TVP23C: variants seen among roughly 807,000 people sequenced by gnomAD.
TVP23C encodes Golgi apparatus membrane protein TVP23 homolog C.
TVP23C carries 19 observed loss-of-function variants against 28.7 expected under a neutral mutation model. That is an observed-to-expected ratio of 0.66 (90% CI 0.46 to 0.97). TVP23C has a LOEUF of 0.97. Among genes scored for constraint, TVP23C ranks in the 50% least tolerant of loss-of-function variants. The probability of loss-of-function intolerance (pLI) is 0.00; values close to 1 mark genes in which losing one functional copy is unlikely to be tolerated. For synonymous variants in TVP23C, 68 were observed against 81.7 expected (o/e 0.83, Z 0.90); for missense variants, 186 against 241.3 (o/e 0.77, Z 1.52).
chr17:15,540,532 T>G lies in TVP23C; in HGVS notation c.492A>C (p.Gln164His). Residue 164 changes from glutamine (Q) to histidine (H), a missense_variant, in exon 6 of 6, where the codon CAA (glutamine) becomes CAC (histidine). By Grantham distance (24) the Gln-to-His change is conservative (BLOSUM62 0). Coordinates refer to ENST00000518321, the MANE Select transcript of TVP23C (RefSeq NM_001135036.2). ...TGATGTAACCATACAGGTTGGCACC[T>G]TGTAGCACCACACCCATAATAACCA... is the stretch of plus-strand genomic sequence containing the variant. ...LAVVIMGVVL[Q>H]GANLYGYIRC... 1.2e-6 allele frequency: 2 copies of G among 1,613,600 alleles called. No homozygotes were observed. The highest frequency in any genetic ancestry group is 1.7e-6 in the Non-Finnish European group (2 of 1,179,740).
intron 5 of TVP23C, among the ~76,000 whole-genome samples, chr17:15,530,347 T>C (rs1394280816): frequency 1.3e-5 from 2 of 152,212 alleles, no homozygotes; most frequent in African/African-American, 2.4e-5. Context: ...GGACTATGAT[T>C]AATATCTTAA....
intron 5 of TVP23C, among the ~76,000 whole-genome samples, chr17:15,529,713 T>G (rs1042461639): frequency 6.6e-6 from 1 of 152,222 alleles, no homozygotes; most frequent in African/African-American, 2.4e-5. Context: ...GTTTCTATAC[T>G]TTCACTTTCT....
chr17:15,549,175 C>A (rs1430420457), intron 3 of TVP23C, among the ~76,000 whole-genome samples: 1 of 152,034 alleles, frequency 6.6e-6, no homozygotes, highest in East Asian at 1.9e-4. Context: ...GATTAGGAAT[C>A]CCTGTATGAA....
intron 3 of TVP23C, 149 bp downstream of exon 3, chr17:15,553,536 A>AC: frequency 3.7e-6 from 4 of 1,082,226 alleles, no homozygotes; most frequent in Non-Finnish European, 4.9e-6. Flanking sequence ...AAAAAAAAAA[A>AC]AAACTACATG....
In TVP23C at chr17:15,557,442, G is replaced by A. The variant is rs1984184970; in HGVS notation, c.13-2078C>T. On this transcript the variant is annotated intron_variant, in intron 1 of 5. Transcript: ENST00000518321. Reference sequence around the variant, plus strand: ...TGAGTAACTGGGATTACAGGAGTGTGTCTCGGCTAATTAGCCTGGCTAATT... The same window carrying A: ...TGAGTAACTGGGATTACAGGAGTGTATCTCGGCTAATTAGCCTGGCTAATT... Among the ~76,000 whole-genome samples the A allele has an allele frequency of 1.4e-5, 2 of 147,790 alleles. 1 individual carries two copies. The highest frequency in any genetic ancestry group is 4.9e-5 in the African/African-American group (2 of 41,000).
intron 5 of TVP23C, among the ~76,000 whole-genome samples, chr17:15,529,183 GGCTCACGCCT>G (rs1982848616): frequency 6.6e-6 from 1 of 152,088 alleles, no homozygotes. Flanking sequence ...CAGGCTCAGA[GGCTCACGCCT>G]GTAATCCCAG....
At chr17:15,532,157 A>G (rs2654265), downstream of TVP23C, among the ~76,000 whole-genome samples, 5 of 152,286 alleles carry the variant, frequency 3.3e-5, no homozygotes, top group East Asian at 1.9e-4. Context: ...TGTAGACATC[A>G]CACTCCCCTT....
At chr17:15,507,452 G>T in intron 5 of TVP23C, 1 of 471,106 alleles carries the variant, frequency 2.1e-6, no homozygotes, top group Non-Finnish European at 3.9e-6. Context: ...TGTCATCTTT[G>T]TGTTCTTGCT....
At chr17:15,503,257 A>G (rs1397444740) in intron 5 of TVP23C, 2 of 1,460,196 alleles carry the variant, frequency 1.4e-6, no homozygotes, top group Non-Finnish European at 1.8e-6. Flanking sequence ...ATAAAAATAA[A>G]TTAGCCAGGT....
intron 5 of TVP23C, chr17:15,507,116 G>A (rs1597501447): frequency 1.1e-6 from 1 of 943,972 alleles, no homozygotes; most frequent in East Asian, 2.7e-5. Flanking sequence ...TTGATGTCGA[G>A]GACTTCACCC....
chr17:15,539,192 C>T lies in TVP23C; in HGVS notation c.*1220G>A. 1.0e-6 allele frequency: 1 copy of T among 965,034 alleles called. No individual in the cohort carries two copies. 59.8% of individuals were successfully genotyped at this position (965,034 alleles called of 1,614,324 possible). A position where few individuals can be genotyped will look rare whatever the true frequency, so the allele number is the denominator to read the frequency against. On this transcript the variant is annotated 3_prime_UTR_variant, in exon 6 of 6. Transcript: ENST00000518321. ...CTGAATAAGGAGTCTGGAGGTGGAACCCAGCAATCTTGTGCCCTCTAGGTG... is the reference window on the plus strand; with the variant it reads ...CTGAATAAGGAGTCTGGAGGTGGAATCCAGCAATCTTGTGCCCTCTAGGTG...
At chr17:15,563,167 G>A (rs1984478944) in intron 1 of TVP23C, 1 of 535,258 alleles carries the variant, frequency 1.9e-6, no homozygotes, top group Non-Finnish European at 3.2e-6. Flanking sequence ...GTTGAGGAAA[G>A]AGAGACCCCC....
chr17:15,561,456 G>A (rs1317952607), intron 1 of TVP23C, among the ~76,000 whole-genome samples: 9 of 151,988 alleles, frequency 5.9e-5, no homozygotes, highest in Admixed American at 6.6e-5. Flanking sequence ...AAAATTAGCC[G>A]GGCATGGTGG....
At chr17:15,562,286 G>A (rs569687997) in intron 1 of TVP23C, 46 of 152,708 alleles carry the variant, frequency 3.0e-4, no homozygotes, top group African/African-American at 9.9e-4. Flanking sequence ...GCAGTGGCCC[G>A]CGGCTCACTG....
chr17:15,528,036 C>T (rs1271182278), intron 5 of TVP23C, among the ~76,000 whole-genome samples: 1 of 152,104 alleles, frequency 6.6e-6, no homozygotes. Context: ...GTCAATTTTG[C>T]TAATCCTTTC....
chr17:15,533,865 A>C (rs1235762602), downstream of TVP23C, among the ~76,000 whole-genome samples: 1 of 152,224 alleles, frequency 6.6e-6, no homozygotes, highest in Non-Finnish European at 1.5e-5. Context: ...AAGAAGGAAC[A>C]GAGTGATCTA....
At chr17:15,519,161 C>A (rs1196646206) in intron 5 of TVP23C, among the ~76,000 whole-genome samples, 1 of 152,128 alleles carries the variant, frequency 6.6e-6, no homozygotes, top group African/African-American at 2.4e-5. Context: ...TTTTTTATAG[C>A]AGTGTGAAAA....
intron 5 of TVP23C, among the ~76,000 whole-genome samples, chr17:15,518,704 T>A (rs1430529566): frequency 6.9e-6 from 1 of 145,760 alleles, no homozygotes; most frequent in Non-Finnish European, 1.5e-5. Flanking sequence ...AGAGAAGAGC[T>A]CCACTGGGCT....
In TVP23C at chr17:15,539,898, C is replaced by A. The variant is rs974110634; in HGVS notation, c.*514G>T. ...CACAAGGTCATGAGATGGAGACCATCCTGGCTAACATGATGAAATCCCATC... is the reference window on the plus strand; with the variant it reads ...CACAAGGTCATGAGATGGAGACCATACTGGCTAACATGATGAAATCCCATC... On this transcript the variant is annotated 3_prime_UTR_variant, in exon 6 of 6. Coordinates refer to ENST00000518321, the MANE Select transcript of TVP23C (RefSeq NM_001135036.2). 5.6e-6 allele frequency: 4 copies of A among 710,774 alleles called. No homozygotes were observed. Among genetic ancestry groups the A allele is most frequent in the African/African-American group, 1.9e-5 (1 of 51,790 alleles). The allele number at this position is 710,774 out of a possible 1,614,324, so 44.0% of individuals were successfully genotyped here.
Sources: allele counts gnomAD v4.1 joint callset (sites outside exome capture counted in the v4.1 genomes callset), GRCh38; gene constraint gnomAD v4.1.1; transcripts MANE v1.5; gene names NCBI Gene and HGNC (gene_info 2026-07-23, HGNC 2026-07-21).